YY1: variants seen among roughly 807,000 people sequenced by gnomAD.
YY1 encodes transcriptional repressor protein YY1.
Under a neutral mutation model 35.6 loss-of-function variants are expected in YY1, and 2 were observed. The ratio of observed to expected loss-of-function variants is 0.06; its 90% CI spans 0.02 to 0.18. The LOEUF is 0.18. Among genes scored for constraint, YY1 ranks in the 10% least tolerant of loss-of-function variants. YY1 has a pLI of 1.00. For missense variants in YY1, 322 were observed against 573.4 expected (o/e 0.56, Z 4.48); for synonymous variants, 268 against 238.9 (o/e 1.12, Z -1.12).
At chr14:100,244,589 CTT>C (rs1290373567) in intron 1 of YY1, among the ~76,000 whole-genome samples, 1 of 133,242 alleles carries the variant, frequency 7.5e-6, no homozygotes, top group African/African-American at 2.7e-5. Context: ...CCACCCCTTA[CTT>C]TTTTTTTTTG....
At chr14:100,245,431 A>G (rs1890817744) in intron 1 of YY1, among the ~76,000 whole-genome samples, 1 of 152,168 alleles carries the variant, frequency 6.6e-6, no homozygotes, top group South Asian at 2.1e-4. Context: ...ACAGACACCC[A>G]GCTTCAACTA....
chr14:100,274,474 G>A (rs573683421), intron 2 of YY1, among the ~76,000 whole-genome samples: 4 of 152,292 alleles, frequency 2.6e-5, no homozygotes, highest in African/African-American at 9.6e-5. Flanking sequence ...GCGGCAACTC[G>A]ATGTTTCTAG....
Position 100,277,176 on chromosome 14 carries a change from AT to A in YY1, c.1063-239del. On this transcript the variant is annotated intron_variant, in intron 4 of 4. Transcript: ENST00000262238. The surrounding 1 kb of genome is among the most constrained non-coding windows in gnomAD (Gnocchi z 5.6). ...CAGCAGCACTAGGACTCTAGCCTGC[AT>A]TTAGGAAGACTTGCCATTTTGCCAA... 1 of 585,296 alleles carries A rather than the reference AT, an allele frequency of 1.7e-6. No individual in the cohort carries two copies. The highest frequency in any genetic ancestry group is 2.9e-5 in the East Asian group (1 of 34,538). 36.3% of individuals were successfully genotyped at this position (585,296 alleles called of 1,614,324 possible).
rs1891415284 is a variant in YY1, at chr14:100,281,019, CACTGCACTCCAGCCTGGGTG to C, written c.*3422_*3441del. ...AGCTTGCAGTGAGCCGAGATCGCAC[CACTGCACTCCAGCCTGGGTG>C]ACAGAGCAAGACTCCGTCTCCCAAA... On this transcript the variant is annotated 3_prime_UTR_variant, in exon 5 of 5. Transcript: ENST00000262238. 7.3e-6 allele frequency: 1 copy of C among 136,378 alleles called. No individual in the cohort carries two copies. Among genetic ancestry groups the C allele is most frequent in the African/African-American group, 2.7e-5 (1 of 36,902 alleles). The allele number at this position is 136,378 out of a possible 1,614,324, so 8.4% of individuals were successfully genotyped here. A position where few individuals can be genotyped will look rare whatever the true frequency, so the allele number is the denominator to read the frequency against.
At chr14:100,267,457 TAA>T (rs970918643) in intron 2 of YY1, among the ~76,000 whole-genome samples, 3 of 152,126 alleles carry the variant, frequency 2.0e-5, no homozygotes, top group African/African-American at 7.2e-5. Context: ...GTGTAAAAAG[TAA>T]AGTTACAGAG....
Position 100,280,657 on chromosome 14 carries a change from T to A in YY1, c.*3057T>A, listed in dbSNP as rs1891404503. 1 of 152,112 alleles carries A rather than the reference T, an allele frequency of 6.6e-6. No individual in the cohort carries two copies. Among genetic ancestry groups the A allele is most frequent in the African/African-American group, 2.4e-5 (1 of 41,428 alleles). The allele number at this position is 152,112 out of a possible 1,614,324, so 9.4% of individuals were successfully genotyped here. On this transcript the variant is annotated 3_prime_UTR_variant, in exon 5 of 5. Transcript: ENST00000262238. Reference sequence around the variant, plus strand: ...TGTAAAAGTTCTAAATGTCACTTATTTTGCTAAATAAGACCCTTTCACAGG... The same window carrying A: ...TGTAAAAGTTCTAAATGTCACTTATATTGCTAAATAAGACCCTTTCACAGG...
intron 1 of YY1, among the ~76,000 whole-genome samples, chr14:100,242,455 C>G (rs1252767460): frequency 7.6e-6 from 1 of 131,792 alleles, no homozygotes; most frequent in African/African-American, 2.8e-5. Context: ...GTGGCATGAT[C>G]TCGGCTCACG....
At chr14:100,255,625 A>G (rs115753113) in intron 1 of YY1, among the ~76,000 whole-genome samples, 1 of 152,218 alleles carries the variant, frequency 6.6e-6, no homozygotes, top group Admixed American at 6.5e-5. Flanking sequence ...CATCTCAGGA[A>G]AAATAAATAA....
chr14:100,272,314 GAAAA>G (rs1424539534), intron 2 of YY1, among the ~76,000 whole-genome samples: 1 of 150,042 alleles, frequency 6.7e-6, no homozygotes, highest in Non-Finnish European at 1.5e-5. Context: ...AAAAAAGAAA[GAAAA>G]GGAAAAGAGA....
intron 1 of YY1, among the ~76,000 whole-genome samples, chr14:100,249,748 G>GTTTTTTTTTTTTTTTT (rs57119106): frequency 7.1e-6 from 1 of 141,032 alleles, no homozygotes; most frequent in African/African-American, 2.7e-5. Flanking sequence ...GCTACTTACC[G>GTTTTTTTTTTTTTTTT]TTTTTTTTTT....
intron 1 of YY1, among the ~76,000 whole-genome samples, chr14:100,260,440 T>TAC (rs1335225864): frequency 2.6e-4 from 36 of 138,996 alleles, no homozygotes; most frequent in African/African-American, 9.7e-4. Flanking sequence ...TATATATATA[T>TAC]ATATATACAC....
chr14:100,272,965 G>GTTTGT (rs1555370720), intron 2 of YY1, among the ~76,000 whole-genome samples: 1 of 127,708 alleles, frequency 7.8e-6, no homozygotes, highest in Non-Finnish European at 1.7e-5. Context: ...TTTTTTTTTT[G>GTTTGT]TTTTTTTTTT....
At chr14:100,274,290 C>T (rs190875935) in intron 2 of YY1, among the ~76,000 whole-genome samples, 5 of 152,290 alleles carry the variant, frequency 3.3e-5, no homozygotes, top group East Asian at 1.9e-4. Context: ...CCTTCATCAT[C>T]GCAGCAGCTG....
intron 1 of YY1, among the ~76,000 whole-genome samples, chr14:100,248,832 C>T (rs547166465): frequency 2.0e-5 from 3 of 151,802 alleles, no homozygotes; most frequent in South Asian, 2.1e-4. Context: ...GGACTACAGG[C>T]GCCCACCACC....
intron 1 of YY1, among the ~76,000 whole-genome samples, chr14:100,255,512 G>A (rs1890992476): frequency 6.6e-6 from 1 of 152,126 alleles, no homozygotes; most frequent in Non-Finnish European, 1.5e-5. Context: ...CCAGCTACTT[G>A]GAAGGCTGAG....
intron 3 of YY1, 70 bp downstream of exon 3, chr14:100,274,828 C>A: frequency 6.9e-7 from 1 of 1,444,670 alleles, no homozygotes; most frequent in Non-Finnish European, 9.7e-7. Context: ...AAGAAATTTG[C>A]ACTTTTGTTT....
Position 100,282,129 on chromosome 14 carries a change from T to C in YY1, c.*4529T>C, listed in dbSNP as rs1047922024. 1.3e-5 allele frequency: 2 copies of C among 152,190 alleles called. No homozygotes were observed. Among genetic ancestry groups the C allele is most frequent in the African/African-American group, 4.8e-5 (2 of 41,426 alleles). 9.4% of individuals were successfully genotyped at this position (152,190 alleles called of 1,614,324 possible). On this transcript the variant is annotated 3_prime_UTR_variant, in exon 5 of 5. Coordinates refer to ENST00000262238, the MANE Select transcript of YY1 (RefSeq NM_003403.5). ...GGTGGGAGGTGACACATGGAGAGCT[T>C]CGTCCTGGCCGAGCAGGCACCCAGC...
At chr14:100,273,125 C>G (rs1419671979) in intron 2 of YY1, among the ~76,000 whole-genome samples, 1 of 151,928 alleles carries the variant, frequency 6.6e-6, no homozygotes, top group Non-Finnish European at 1.5e-5. Context: ...CCACCACACC[C>G]GGCTAATTTT....
intron 2 of YY1, chr14:100,265,468 CAG>C (rs1891139907): frequency 6.6e-6 from 1 of 152,144 alleles, no homozygotes; most frequent in Admixed American, 6.6e-5. Context: ...CAGTTGGGGG[CAG>C]GGGGGAGGAG....
Sources: allele counts gnomAD v4.1 joint callset (sites outside exome capture counted in the v4.1 genomes callset), GRCh38; gene constraint gnomAD v4.1.1; non-coding constraint Gnocchi (gnomAD v3.1); transcripts MANE v1.5; gene names NCBI Gene and HGNC (gene_info 2026-07-23, HGNC 2026-07-21).